The following OSMR variants were observed in gnomAD, a reference collection of about 807,000 sequenced individuals.
The protein encoded by OSMR is oncostatin-M-specific receptor subunit beta.
In OSMR, 81 loss-of-function variants were observed where a neutral mutation model predicts 99.9. The ratio of observed to expected loss-of-function variants is 0.81; its 90% CI spans 0.68 to 0.97. OSMR has a LOEUF of 0.97. Ranked by LOEUF, OSMR falls within the 50% of genes least tolerant of loss-of-function variation. The pLI is 0.00. For missense variants in OSMR, 1,099 were observed against 1,153.4 expected, an observed-to-expected ratio of 0.95 and a Z score of 0.68; for synonymous variants, 406 against 410.4, an observed-to-expected ratio of 0.99 and a Z score of 0.13.
At chr5:38,911,686 C>T (rs1745599096) in intron 9 of OSMR, among the ~76,000 whole-genome samples, 1 of 152,138 alleles carries the variant, frequency 6.6e-6, no homozygotes, top group Non-Finnish European at 1.5e-5. Flanking sequence ...AATCCAGATC[C>T]AGCAGCACAT....
intron 5 of OSMR, 75 bp downstream of exon 5, chr5:38,884,186 C>G: frequency 8.7e-7 from 1 of 1,150,000 alleles, no homozygotes; most frequent in Non-Finnish European, 1.3e-6. Context: ...TACTAGAAGA[C>G]AAATAAACAT....
intron 9 of OSMR, among the ~76,000 whole-genome samples, chr5:38,905,076 G>A (rs907701553): frequency 6.6e-6 from 1 of 152,078 alleles, no homozygotes; most frequent in South Asian, 2.1e-4. Context: ...GCCCAATCCT[G>A]CTTCCATCTC....
At chr5:38,870,261 C>G (rs1056323834) in intron 2 of OSMR, among the ~76,000 whole-genome samples, 1 of 151,508 alleles carries the variant, frequency 6.6e-6, no homozygotes, top group Non-Finnish European at 1.5e-5. Flanking sequence ...CTCACTCTGT[C>G]TTACTTGCTA....
chr5:38,866,287 C>T (rs1048645507), intron 1 of OSMR, among the ~76,000 whole-genome samples: 5 of 152,132 alleles, frequency 3.3e-5, no homozygotes, highest in African/African-American at 9.7e-5. Context: ...CTGGACAATG[C>T]ACTCAGGCAG....
intron 1 of OSMR, among the ~76,000 whole-genome samples, chr5:38,862,609 G>A (rs1163362824): frequency 2.0e-5 from 3 of 151,108 alleles, no homozygotes; most frequent in African/African-American, 4.9e-5. Flanking sequence ...ACCGGGTCGC[G>A]GCCAGGCAGA....
chr5:38,944,797 G>T, intron 2 of OSMR: 2 of 1,043,820 alleles, frequency 1.9e-6, no homozygotes, highest in Non-Finnish European at 2.9e-6. Flanking sequence ...TCACTAAAAT[G>T]GACGTATTAC....
At chr5:38,846,641 C>T (rs1361617659) in intron 1 of OSMR, among the ~76,000 whole-genome samples, 1 of 152,078 alleles carries the variant, frequency 6.6e-6, no homozygotes, top group Non-Finnish European at 1.5e-5. Context: ...TCTGGGAATC[C>T]GTGTATCTCT....
At chr5:38,853,054 A>G (rs1180959232) in intron 1 of OSMR, among the ~76,000 whole-genome samples, 3 of 152,178 alleles carry the variant, frequency 2.0e-5, no homozygotes, top group Non-Finnish European at 4.4e-5. Context: ...TTAAAGCACT[A>G]AAATGTTTCA....
At chr5:38,891,411 T>C (rs1236876409) in intron 7 of OSMR, among the ~76,000 whole-genome samples, 4 of 152,228 alleles carry the variant, frequency 2.6e-5, no homozygotes, top group African/African-American at 2.4e-5. Context: ...AAATGGTCTA[T>C]AAATACTAGC....
rs1012016941 is a variant in OSMR, at chr5:38,863,075, A to AC, written c.-13-5957_-13-5956insC. On this transcript the variant is annotated intron_variant, in intron 1 of 17. Transcript: ENST00000274276. The stretch of plus-strand genomic sequence containing the variant: ...GGCACTCGGCAGGCTGAGGCAGGAG[A>AC]ATCAGGCAGGGAGGTTGCAGTGGGC... Among the ~76,000 whole-genome samples the AC allele has an allele frequency of 1.5e-3, 225 of 151,522 alleles. 1 individual carries two copies. The highest frequency in any genetic ancestry group is 2.0e-3 in the Non-Finnish European group (138 of 67,810).
At chr5:38,942,842 C>A (rs1168162758) in intron 1 of OSMR, 1 of 1,607,336 alleles carries the variant, frequency 6.2e-7, no homozygotes, top group Non-Finnish European at 8.5e-7. Context: ...CTTGTAGAAA[C>A]TGTACATCTT....
At chr5:38,866,792 A>G (rs1464376675) in intron 1 of OSMR, among the ~76,000 whole-genome samples, 1 of 152,070 alleles carries the variant, frequency 6.6e-6, no homozygotes, top group Admixed American at 6.5e-5. Flanking sequence ...AGAGCTCCCT[A>G]TGCTAGTCTC....
intron 1 of OSMR, among the ~76,000 whole-genome samples, chr5:38,861,183 G>GATATT (rs1741263030): frequency 6.6e-6 from 1 of 151,992 alleles, no homozygotes; most frequent in Non-Finnish European, 1.5e-5. Context: ...GATTTGGCAG[G>GATATT]GTCATAGGAC....
At position 38,925,224 on chromosome 5, in the gene OSMR, T is replaced by C; in HGVS notation, c.2065T>C (p.Tyr689His). 6.2e-7 allele frequency: 1 copy of C among 1,613,696 alleles called. No individual in the cohort carries two copies. Residue 689 changes from tyrosine to histidine, a missense_variant, in exon 15 of 18, where the codon TAC becomes CAC. By Grantham distance (83) the Tyr-to-His change is moderately conservative (BLOSUM62 2). Coordinates refer to ENST00000274276, the MANE Select transcript of OSMR (RefSeq NM_003999.3). ...VLSDGSECCK[Y>H]KIDNPEEKAL... ...CACAGATGGTTCAGAATGTTGCAAA[T>C]ACAAAATTGACAACCCGGAAGAAAA...
At chr5:38,941,450 C>T (rs1393908624) in intron 1 of OSMR, 1 of 231,680 alleles carries the variant, frequency 4.3e-6, no homozygotes, top group African/African-American at 2.2e-5. Context: ...TCTAAACTAA[C>T]AGTGCTTGTT....
At chr5:38,857,031 A>G (rs902778393) in intron 1 of OSMR, among the ~76,000 whole-genome samples, 1 of 152,150 alleles carries the variant, frequency 6.6e-6, no homozygotes, top group Non-Finnish European at 1.5e-5. Context: ...ATGTCTTTCC[A>G]TTGTGTTGCT....
chr5:38,919,963 A>G (rs1364543370), intron 11 of OSMR, among the ~76,000 whole-genome samples: 1 of 152,240 alleles, frequency 6.6e-6, no homozygotes, highest in Non-Finnish European at 1.5e-5. Flanking sequence ...AAGTTGGTTT[A>G]GGAGTTGTTT....
intron 10 of OSMR, among the ~76,000 whole-genome samples, chr5:38,917,852 A>G (rs1396488076): frequency 6.6e-6 from 1 of 152,126 alleles, no homozygotes; most frequent in Non-Finnish European, 1.5e-5. Flanking sequence ...TGCAACTTCA[A>G]CTCAGGCCAG....
intron 1 of OSMR, among the ~76,000 whole-genome samples, chr5:38,848,951 T>C (rs1740131475): frequency 6.6e-6 from 1 of 151,130 alleles, no homozygotes; most frequent in Non-Finnish European, 1.5e-5. Context: ...TTTTTTTTTG[T>C]ATTTTTTGTA....
Sources: allele counts gnomAD v4.1 joint callset (sites outside exome capture counted in the v4.1 genomes callset), GRCh38; gene constraint gnomAD v4.1.1; transcripts MANE v1.5; gene names NCBI Gene and HGNC (gene_info 2026-07-23, HGNC 2026-07-21).